Variants in SEM1 observed in about 807,000 individuals in gnomAD.
SEM1 encodes the protein 26S proteasome complex subunit SEM1.
Under a neutral mutation model 12.7 loss-of-function variants are expected in SEM1, and 3 were observed. The observed-to-expected ratio is 0.24, with a 90% CI of 0.11 to 0.61. The LOEUF is 0.61. Among genes scored for constraint, SEM1 ranks in the 20% least tolerant of loss-of-function variants. The probability of loss-of-function intolerance (pLI) is 0.88; values close to 1 mark genes in which losing one functional copy is unlikely to be tolerated. For missense variants in SEM1, 59 were observed against 81.3 expected (o/e 0.73, Z 1.06); for synonymous variants, 30 against 27.8 (o/e 1.08, Z -0.25).
chr7:96,553,752 G>T (rs1180635153), intron 2 of SEM1, among the ~76,000 whole-genome samples: 1 of 152,084 alleles, frequency 6.6e-6, no homozygotes, highest in Non-Finnish European at 1.5e-5. Flanking sequence ...GTAGCTTGAT[G>T]GGGATGACAT....
Position 96,640,036 on chromosome 7 carries a change from A to C in SEM1, c.171-17393T>G, listed in dbSNP as rs1335540406. Among the ~76,000 whole-genome samples the C allele has an allele frequency of 2.0e-5, 3 of 151,982 alleles. No homozygotes were observed. The highest frequency in any genetic ancestry group is 4.4e-5 in the Non-Finnish European group (3 of 67,926). ...TACAATATCGCTACACACCTATTAT[A>C]ATGGCCAAAATCCAGAACACTGACA... is the stretch of plus-strand genomic sequence containing the variant. On this transcript the variant is annotated intron_variant, in intron 2 of 2. Coordinates refer to the SEM1 transcript ENST00000417009. The surrounding 1 kb of genome is among the most constrained non-coding windows in gnomAD (Gnocchi z 4.0).
rs1284532066 is a variant in SEM1 at position 96,688,986 on chromosome 7, A to G, written c.171-20T>C. On this transcript the variant is annotated intron_variant, in intron 2 of 2. Coordinates refer to ENST00000248566, the MANE Select transcript of SEM1 (RefSeq NM_006304.2). Reference sequence around the variant, plus strand: ...TCAGCTCTAAGATAAAACAGAAAGAACATCACTAGGTATTCTTTATAATAA... The same window carrying G: ...TCAGCTCTAAGATAAAACAGAAAGAGCATCACTAGGTATTCTTTATAATAA... The G allele has an allele frequency of 1.6e-5, 23 of 1,458,844 alleles. No homozygotes were observed. The highest frequency in any genetic ancestry group is 2.1e-5 in the Non-Finnish European group (22 of 1,041,206). 90.4% of individuals were successfully genotyped at this position (1,458,844 alleles called of 1,614,324 possible).
In SEM1 at chr7:96,550,527, A is replaced by G. The variant is rs73708347; in HGVS notation, c.171-43829T>C. Among the ~76,000 whole-genome samples, 1,364 of 152,330 alleles carry G rather than the reference A, an allele frequency of 9.0e-3. 26 individuals are homozygous for G. The highest frequency in any genetic ancestry group is 0.031 in the African/African-American group (1,295 of 41,576). On this transcript the variant is annotated intron_variant and NMD_transcript_variant, in intron 2 of 3. Transcript: ENST00000466986. Reference sequence around the variant, plus strand: ...GCTGTGTTTTCTTGTATTTACAGCAATATTCTTAACTGTGATATTGCAATG... The same window carrying G: ...GCTGTGTTTTCTTGTATTTACAGCAGTATTCTTAACTGTGATATTGCAATG...
chr7:96,498,746 C>T (rs1803393498), upstream of SEM1, among the ~76,000 whole-genome samples: 1 of 152,126 alleles, frequency 6.6e-6, no homozygotes, highest in African/African-American at 2.4e-5. Context: ...TTTGAGGTAG[C>T]TTCTATTCTT....
rs748069388 is a variant in SEM1 at position 96,709,796 on chromosome 7, A to C, written c.-33T>G. 1 of 1,609,946 alleles carries C rather than the reference A, an allele frequency of 6.2e-7. No homozygotes were observed. Among genetic ancestry groups the C allele is most frequent in the Admixed American group, 1.7e-5 (1 of 59,852 alleles). ...GTCCGCGCCCAACACCTCCCAGATA[A>C]GCAGAAAAGTTGGAACCCTCACTCT... is the stretch of plus-strand genomic sequence containing the variant. On this transcript the variant is annotated 5_prime_UTR_variant, in exon 1 of 3. Coordinates refer to ENST00000248566, the MANE Select transcript of SEM1 (RefSeq NM_006304.2).
chr7:96,484,847 A>C, exon 3 of SEM1: 1 of 1,287,800 alleles, frequency 7.8e-7, no homozygotes, highest in Non-Finnish European at 1.0e-6. Flanking sequence ...TTTTTTCTTG[A>C]GGTGGAGCTG....
upstream of SEM1, among the ~76,000 whole-genome samples, chr7:96,499,186 G>A (rs888695459): frequency 6.6e-6 from 1 of 151,820 alleles, no homozygotes; most frequent in African/African-American, 2.4e-5. Context: ...GTTATGTCAA[G>A]AAATTTCTGT....
intron 2 of SEM1, among the ~76,000 whole-genome samples, chr7:96,594,084 C>G (rs528044818): frequency 6.6e-6 from 1 of 152,114 alleles, no homozygotes; most frequent in African/African-American, 2.4e-5. Flanking sequence ...AGGCATCTAA[C>G]CAACACTTGG....
At chr7:96,608,523 T>A (rs1807451630) in intron 2 of SEM1, among the ~76,000 whole-genome samples, 1 of 152,208 alleles carries the variant, frequency 6.6e-6, no homozygotes, top group African/African-American at 2.4e-5. Flanking sequence ...ATAATCTAAT[T>A]TTAAAGCCTT....
intron 3 of SEM1, among the ~76,000 whole-genome samples, chr7:96,501,629 T>C (rs1042305632): frequency 4.6e-5 from 7 of 152,186 alleles, no homozygotes; most frequent in African/African-American, 1.7e-4. Context: ...CTAAAATTTA[T>C]TGGATGTTTA....
chr7:96,510,917 G>A (rs1486658652), intron 2 of SEM1, among the ~76,000 whole-genome samples: 1 of 152,094 alleles, frequency 6.6e-6, no homozygotes, highest in African/African-American at 2.4e-5. Context: ...TGTCCTGAAA[G>A]CTGATTGACC....
chr7:96,641,274 C>T (rs7780230), intron 2 of SEM1, among the ~76,000 whole-genome samples: 50,703 of 151,704 alleles, frequency 0.33, 10,043 homozygotes, highest in African/African-American at 0.56. Context: ...AGAGATTTAT[C>T]TATTAGTTTT....
intron 2 of SEM1, among the ~76,000 whole-genome samples, chr7:96,485,438 C>A (rs761919230): frequency 4.6e-5 from 7 of 151,874 alleles, no homozygotes; most frequent in Non-Finnish European, 1.0e-4. Context: ...CCCAACTCCT[C>A]CTACTCACTC....
chr7:96,588,947 G>T (rs1460493085), intron 2 of SEM1, among the ~76,000 whole-genome samples: 1 of 152,182 alleles, frequency 6.6e-6, no homozygotes, highest in African/African-American at 2.4e-5. Context: ...TATAAAATTT[G>T]TGAGGAAAGA....
At chr7:96,641,174 A>G (rs1808581058) in intron 2 of SEM1, among the ~76,000 whole-genome samples, 1 of 151,830 alleles carries the variant, frequency 6.6e-6, no homozygotes, top group African/African-American at 2.4e-5. Flanking sequence ...ATAAAAATAA[A>G]TAAATCCACT....
intron 2 of SEM1, among the ~76,000 whole-genome samples, chr7:96,563,405 A>G (rs1420140931): frequency 6.6e-6 from 1 of 152,154 alleles, no homozygotes; most frequent in East Asian, 1.9e-4. Flanking sequence ...GGTCATGGCA[A>G]GTATTATGAC....
chr7:96,516,192 A>G, intron 2 of SEM1, among the ~76,000 whole-genome samples: 1 of 152,130 alleles, frequency 6.6e-6, no homozygotes. Context: ...GACTTTAGAG[A>G]TATGACACCA....
intron 1 of SEM1, among the ~76,000 whole-genome samples, chr7:96,494,647 T>C: frequency 6.6e-6 from 1 of 151,976 alleles, no homozygotes; most frequent in East Asian, 1.9e-4. Context: ...AATTCAAGTT[T>C]AAGAACAGAA....
chr7:96,489,467 G>T (rs1429410392), intron 1 of SEM1, among the ~76,000 whole-genome samples: 1 of 152,162 alleles, frequency 6.6e-6, no homozygotes, highest in Non-Finnish European at 1.5e-5. Context: ...CCAATCTAGA[G>T]TGATGGGTCT....
Sources: allele counts gnomAD v4.1 joint callset (sites outside exome capture counted in the v4.1 genomes callset), GRCh38; gene constraint gnomAD v4.1.1; non-coding constraint Gnocchi (gnomAD v3.1); transcripts MANE v1.5; gene names NCBI Gene and HGNC (gene_info 2026-07-23, HGNC 2026-07-21).